Variants in MAPRE3 observed in about 807,000 individuals in gnomAD.
The protein encoded by MAPRE3 is microtubule-associated protein RP/EB family member 3.
Under a neutral mutation model 30.5 loss-of-function variants are expected in MAPRE3, and 2 were observed. The observed-to-expected ratio is 0.07, with a 90% CI of 0.03 to 0.21. The LOEUF (loss-of-function observed/expected upper bound fraction) is 0.21, where lower values mean the gene tolerates loss of function less well. Among genes scored for constraint, MAPRE3 ranks in the 10% least tolerant of loss-of-function variants. The pLI, the probability that MAPRE3 is intolerant of heterozygous loss-of-function variation, is 1.00. For synonymous variants in MAPRE3, 110 were observed against 127.7 expected (o/e 0.86, Z 0.93); for missense variants, 204 against 351.8 (o/e 0.58, Z 3.36).
chr2:27,006,080 G>A (rs1311854351), intron 1 of MAPRE3, among the ~76,000 whole-genome samples: 4 of 152,166 alleles, frequency 2.6e-5, no homozygotes, highest in Non-Finnish European at 5.9e-5. Context: ...TACTCGGGAG[G>A]CTGAGGCAGG....
At chr2:26,996,245 C>G (rs112971309) in intron 1 of MAPRE3, among the ~76,000 whole-genome samples, 1 of 151,612 alleles carries the variant, frequency 6.6e-6, no homozygotes, top group Non-Finnish European at 1.5e-5. Flanking sequence ...CTGGATCTCC[C>G]GGGCTCCAGC....
chr2:27,000,696 C>G (rs974479464), intron 1 of MAPRE3, among the ~76,000 whole-genome samples: 2 of 152,248 alleles, frequency 1.3e-5, no homozygotes, highest in African/African-American at 4.8e-5. Flanking sequence ...GAGCTCAGAG[C>G]CCCTCTGGCC....
chr2:26,971,053 G>C (rs1196358187), intron 1 of MAPRE3, among the ~76,000 whole-genome samples: 4 of 144,140 alleles, frequency 2.8e-5, no homozygotes, highest in Non-Finnish European at 6.1e-5. Context: ...CCGTCTCTCC[G>C]GGTCCACCTT....
In MAPRE3 at chr2:26,988,957, C is replaced by G. The variant is rs144640958; in HGVS notation, c.-8+18155C>G. Among the ~76,000 whole-genome samples, 115 of 152,314 alleles carry G rather than the reference C, an allele frequency of 7.6e-4. No individual in the cohort carries two copies. In the East Asian group the frequency reaches 0.018, roughly 24 times the overall value. On this transcript the variant is annotated intron_variant, in intron 1 of 6. Coordinates refer to ENST00000233121, the MANE Select transcript of MAPRE3 (RefSeq NM_012326.4). ...CTCTCCTGCTTCTCTCTTTGTATCC[C>G]CTTGGACGCAGAGAAGAGTTGTGCT...
intron 1 of MAPRE3, among the ~76,000 whole-genome samples, chr2:26,972,873 T>C (rs937375454): frequency 5.3e-5 from 8 of 152,202 alleles, no homozygotes; most frequent in African/African-American, 1.9e-4. Context: ...TTTTATGAGA[T>C]AATGATGGAA....
chr2:26,976,896 A>G (rs1572740756), intron 1 of MAPRE3, among the ~76,000 whole-genome samples: 2 of 152,348 alleles, frequency 1.3e-5, no homozygotes, highest in South Asian at 4.1e-4. Flanking sequence ...AGAAAATCAG[A>G]GGTGTGTACA....
rs1666201211 is a variant in MAPRE3, at chr2:26,985,578, G to C, written c.-8+14776G>C. Reference sequence around the variant, plus strand: ...TGAGAGAGCAGCCTAGGAAGTCCCAGTGAGAGGAGACCTAATCAGCCAGGT... The same window carrying C: ...TGAGAGAGCAGCCTAGGAAGTCCCACTGAGAGGAGACCTAATCAGCCAGGT... On this transcript the variant is annotated intron_variant, in intron 1 of 6. Coordinates refer to ENST00000233121, the MANE Select transcript of MAPRE3 (RefSeq NM_012326.4). This position sits in a 1 kb window ranked among gnomAD's most constrained non-coding sequence, Gnocchi z 4.2. Among the ~76,000 whole-genome samples the C allele has an allele frequency of 6.6e-6, 1 of 152,192 alleles. No individual in the cohort carries two copies.
chr2:27,019,975 C>T (rs1434968159), intron 1 of MAPRE3, among the ~76,000 whole-genome samples: 1 of 152,202 alleles, frequency 6.6e-6, no homozygotes, highest in Admixed American at 6.5e-5. Context: ...ATCCTCCGGG[C>T]ATCTTGGTCA....
intron 1 of MAPRE3, among the ~76,000 whole-genome samples, chr2:26,991,299 A>G (rs901185544): frequency 6.6e-6 from 1 of 152,190 alleles, no homozygotes; most frequent in Non-Finnish European, 1.5e-5. Context: ...TTAGTCAATC[A>G]GTCCCAGGGG....
At chr2:26,973,250 T>A (rs1279997040) in intron 1 of MAPRE3, among the ~76,000 whole-genome samples, 1 of 152,214 alleles carries the variant, frequency 6.6e-6, no homozygotes, top group Non-Finnish European at 1.5e-5. Context: ...TATTCCTGTG[T>A]GATGATGCCG....
At chr2:26,994,175 A>G (rs1055528380) in intron 1 of MAPRE3, among the ~76,000 whole-genome samples, 4 of 152,248 alleles carry the variant, frequency 2.6e-5, no homozygotes, top group African/African-American at 9.6e-5. Context: ...TGATCTGATA[A>G]CTTAATTATC....
rs75076581 is a variant in MAPRE3 at position 26,986,621 on chromosome 2, C to T, written c.-8+15819C>T. The T allele has an allele frequency of 1.3e-3, 203 of 152,256 alleles. No individual in the cohort carries two copies. The highest frequency in any genetic ancestry group is 4.6e-3 in the African/African-American group (192 of 41,530). The allele number at this position is 152,256 out of a possible 1,614,324, so 9.4% of individuals were successfully genotyped here. ...AGATGAGGTTCTCCCTGTAAGTTTT[C>T]GAGGTGAGAGCGTGGGGGAGGGTCT... On this transcript the variant is annotated intron_variant, in intron 1 of 6. Coordinates refer to ENST00000233121, the MANE Select transcript of MAPRE3 (RefSeq NM_012326.4). The surrounding 1 kb of genome is among the most constrained non-coding windows in gnomAD (Gnocchi z 4.2).
chr2:27,019,419 T>C (rs1046535293), intron 1 of MAPRE3, among the ~76,000 whole-genome samples: 6 of 151,522 alleles, frequency 4.0e-5, no homozygotes, highest in South Asian at 2.1e-4. Context: ...TGATGAGACA[T>C]GATTCAGAAA....
At position 27,026,529 on chromosome 2, in the gene MAPRE3, C is replaced by T; in HGVS notation, c.*181C>T. On this transcript the variant is annotated 3_prime_UTR_variant, in exon 7 of 7. Transcript: ENST00000233121. ...GCCGGAAAGCAGGCAGAAGCCCGTCCTGGGTGGTGCTGGCCCAGTTGGTGG... is the reference window on the plus strand; with the variant it reads ...GCCGGAAAGCAGGCAGAAGCCCGTCTTGGGTGGTGCTGGCCCAGTTGGTGG... 1.8e-6 allele frequency: 1 copy of T among 558,662 alleles called. No homozygotes were observed. The highest frequency in any genetic ancestry group is 2.4e-5 in the South Asian group (1 of 41,824). 34.6% of individuals were successfully genotyped at this position (558,662 alleles called of 1,614,324 possible).
At chr2:27,025,464 G>C in intron 4 of MAPRE3, 119 bp from the exon 5 acceptor site, 1 of 1,023,196 alleles carries the variant, frequency 9.8e-7, no homozygotes, top group South Asian at 1.6e-5. Context: ...GTGGGGGCAG[G>C]GGGGTGAGAG....
chr2:26,980,756 A>G (rs1208669958), intron 1 of MAPRE3, among the ~76,000 whole-genome samples: 1 of 152,272 alleles, frequency 6.6e-6, no homozygotes, highest in African/African-American at 2.4e-5. Flanking sequence ...ATGGTGATCT[A>G]ACCAACTTTC....
intron 1 of MAPRE3, among the ~76,000 whole-genome samples, chr2:26,984,046 A>G (rs1666168787): frequency 6.6e-6 from 1 of 152,222 alleles, no homozygotes; most frequent in Admixed American, 6.5e-5. Context: ...GAATTTTTGC[A>G]TCACTTGTCT....
chr2:27,017,370 C>G (rs1479184649), intron 1 of MAPRE3, among the ~76,000 whole-genome samples: 1 of 152,176 alleles, frequency 6.6e-6, no homozygotes, highest in Non-Finnish European at 1.5e-5. Context: ...CAGCATGATT[C>G]GTTGCTGGGT....
chr2:27,016,618 TCA>T (rs1289394772), intron 1 of MAPRE3, among the ~76,000 whole-genome samples: 2 of 152,118 alleles, frequency 1.3e-5, no homozygotes, highest in African/African-American at 4.8e-5. Flanking sequence ...TCTCCTGACC[TCA>T]TGATCCGCCC....
Sources: allele counts gnomAD v4.1 joint callset (sites outside exome capture counted in the v4.1 genomes callset), GRCh38; gene constraint gnomAD v4.1.1; non-coding constraint Gnocchi (gnomAD v3.1); transcripts MANE v1.5; gene names NCBI Gene and HGNC (gene_info 2026-07-23, HGNC 2026-07-21).